Variants in ACTN2 observed in about 807,000 individuals in gnomAD.
ACTN2 encodes alpha-actinin-2.
Under a neutral mutation model 113.8 loss-of-function variants are expected in ACTN2, and 39 were observed. The observed-to-expected ratio is 0.34, with a 90% CI of 0.27 to 0.45. The LOEUF (loss-of-function observed/expected upper bound fraction) is 0.45, where lower values mean the gene tolerates loss of function less well. Among genes scored for constraint, ACTN2 ranks in the 20% least tolerant of loss-of-function variants. The pLI, the probability that ACTN2 is intolerant of heterozygous loss-of-function variation, is 1.00. For synonymous variants in ACTN2, 429 were observed against 444.1 expected (o/e 0.97, Z 0.43); for missense variants, 992 against 1,177.9 (o/e 0.84, Z 2.31).
At chr1:236,702,001 G>C (rs560816878) in intron 1 of ACTN2, among the ~76,000 whole-genome samples, 1 of 152,272 alleles carries the variant, frequency 6.6e-6, no homozygotes, top group East Asian at 1.9e-4. Flanking sequence ...TGCTGTAACT[G>C]GTATCTGCGT....
intron 12 of ACTN2, 47 bp from the exon 13 acceptor site, chr1:236,747,620 C>G (rs1447047995): frequency 6.5e-7 from 1 of 1,536,606 alleles, no homozygotes; most frequent in Non-Finnish European, 9.0e-7. Context: ...TTCATTTTCT[C>G]TCATCATCTG....
chr1:236,725,619 T>C (rs1280270889), intron 4 of ACTN2, among the ~76,000 whole-genome samples: 2 of 133,002 alleles, frequency 1.5e-5, no homozygotes, highest in Non-Finnish European at 3.2e-5. Context: ...AGAGTGAGAC[T>C]GTGCCTCAAA....
At chr1:236,752,240 A>G (rs1322837943) in intron 15 of ACTN2, among the ~76,000 whole-genome samples, 2 of 152,182 alleles carry the variant, frequency 1.3e-5, no homozygotes, top group East Asian at 1.9e-4. Context: ...TTATAGCACA[A>G]TTAGTCATCT....
In ACTN2 at chr1:236,720,438, G is replaced by A. The variant is rs755282605; in HGVS notation, c.448+247G>A. ...GAACAGAAGTCGCTTTTTAAAATGAGCATTTATTGAGCTTCTTGATTGCTT... is the reference window on the plus strand; with the variant it reads ...GAACAGAAGTCGCTTTTTAAAATGAACATTTATTGAGCTTCTTGATTGCTT... On this transcript the variant is annotated intron_variant, in intron 4 of 20. Transcript: ENST00000366578. Among the ~76,000 whole-genome samples, 107 of 152,250 alleles carry A rather than the reference G, an allele frequency of 7.0e-4. 2 individuals are homozygous for A. The highest frequency in any genetic ancestry group is 6.8e-3 in the Middle Eastern group (2 of 294).
chr1:236,728,409 C>G (rs1393402742), intron 6 of ACTN2, among the ~76,000 whole-genome samples: 1 of 152,230 alleles, frequency 6.6e-6, no homozygotes, highest in African/African-American at 2.4e-5. Context: ...TCCCAAAGTG[C>G]TGGGATTACA....
chr1:236,725,563 G>A (rs1028762444), intron 4 of ACTN2, among the ~76,000 whole-genome samples: 10 of 152,118 alleles, frequency 6.6e-5, no homozygotes, highest in African/African-American at 2.4e-4. Flanking sequence ...GGAGGCAGAG[G>A]TTGCAGTGAG....
rs771579640 is a variant in ACTN2 at position 236,743,027 on chromosome 1, C to G, written c.1239C>G (p.His413Gln). The G allele has an allele frequency of 7.4e-6, 12 of 1,613,924 alleles. No individual in the cohort carries two copies. The highest frequency in any genetic ancestry group is 8.5e-6 in the Non-Finnish European group (10 of 1,180,030). The change falls in exon 11 of 21, where the codon CAC becomes CAG. Residue 413 changes from histidine to glutamine, a missense_variant. This residue lies in a region of ACTN2 where 736 missense variants were observed against 815.4 expected (regional missense o/e 0.90). Coordinates refer to ENST00000366578, the MANE Select transcript of ACTN2 (RefSeq NM_001103.4). ...AGTTCAGGCAGAAGGCCTCAACGCA[C>G]GAGACTTGGGCTTATGGTAAGTAGA... is the stretch of plus-strand genomic sequence containing the variant. ...AEKFRQKAST[H>Q]ETWAYGKEQI...
At position 236,686,761 on chromosome 1, in the gene ACTN2, C is replaced by T; in HGVS notation, c.88C>T (p.Leu30=). ...MIQEEEWDRD[L]LLDPAWEKQQ... ...CCAGGAGGAGGAGTGGGACCGCGACCTGCTCCTGGACCCAGCCTGGGAGAA... is the reference window on the plus strand; with the variant it reads ...CCAGGAGGAGGAGTGGGACCGCGACTTGCTCCTGGACCCAGCCTGGGAGAA... The change falls in exon 1 of 21, where the codon CTG becomes TTG. Residue 30 remains leucine, a synonymous_variant. Transcript: ENST00000366578. The T allele has an allele frequency of 6.5e-7, 1 of 1,548,940 alleles. No homozygotes were observed.
chr1:236,737,297 G>GTGTATATATA, intron 9 of ACTN2, 83 bp downstream of exon 9: 5 of 318,334 alleles, frequency 1.6e-5, no homozygotes, highest in South Asian at 9.2e-5. Context: ...CTCCGTGGGG[G>GTGTATATATA]CATATATATA....
At chr1:236,717,068 C>T (rs1658240739) in intron 1 of ACTN2, among the ~76,000 whole-genome samples, 1 of 20,430 alleles carries the variant, frequency 4.9e-5, no homozygotes, top group South Asian at 1.2e-3. Flanking sequence ...CTCCTGACCT[C>T]AAGTGATCTG....
rs553242586 is a variant in ACTN2 at position 236,744,513 on chromosome 1, C to A, written c.1256-113C>A. ...CCTGCATCTTCAGTCCTGCCCCTCT[C>A]TGTCCCCTTCTCTTGGTTCTTTGGA... On this transcript the variant is annotated intron_variant, in intron 11 of 20. Transcript: ENST00000366578. 2.3e-6 allele frequency: 3 copies of A among 1,311,126 alleles called. No individual in the cohort carries two copies. The East Asian group carries it at 7.4e-5, about 32-fold the overall frequency. The allele number at this position is 1,311,126 out of a possible 1,614,324, so 81.2% of individuals were successfully genotyped here. A position where few individuals can be genotyped will look rare whatever the true frequency, so the allele number is the denominator to read the frequency against.
chr1:236,762,126 T>C (rs1331775795), intron 20 of ACTN2, among the ~76,000 whole-genome samples: 2 of 152,264 alleles, frequency 1.3e-5, no homozygotes, highest in African/African-American at 2.4e-5. Flanking sequence ...TATTTCCCAC[T>C]GAACTTTTTT....
intron 5 of ACTN2, 42 bp from the exon 6 acceptor site, chr1:236,727,632 TTCTC>T: frequency 6.2e-7 from 1 of 1,602,858 alleles, no homozygotes; most frequent in Admixed American, 1.7e-5. Context: ...GGCTGCTTCT[TTCTC>T]TCCACTAACA....
intron 1 of ACTN2, among the ~76,000 whole-genome samples, chr1:236,710,669 G>A (rs1163620713): frequency 1.3e-5 from 2 of 152,192 alleles, no homozygotes; most frequent in Non-Finnish European, 2.9e-5. Context: ...TGCACAGCAG[G>A]AGGTGAGCAG....
intron 2 of ACTN2, 49 bp downstream of exon 2, chr1:236,718,021 G>A (rs1395835433): frequency 7.0e-7 from 1 of 1,418,984 alleles, no homozygotes; most frequent in Non-Finnish European, 9.9e-7. Context: ...ATCAGTAGGT[G>A]AGCATCTATT....
chr1:236,696,168 G>A (rs1385808791), intron 1 of ACTN2, among the ~76,000 whole-genome samples: 5 of 151,930 alleles, frequency 3.3e-5, no homozygotes, highest in African/African-American at 9.7e-5. Flanking sequence ...TTAGCCAGGT[G>A]TGGTGGTATG....
intron 7 of ACTN2, among the ~76,000 whole-genome samples, chr1:236,734,895 G>A (rs530332014): frequency 4.6e-5 from 7 of 152,328 alleles, no homozygotes; most frequent in East Asian, 1.9e-4. Flanking sequence ...CCGAAAAATG[G>A]TGTTGCCAAG....
intron 7 of ACTN2, 91 bp downstream of exon 7, chr1:236,731,405 C>T (rs377629538): frequency 6.9e-6 from 7 of 1,016,638 alleles, no homozygotes; most frequent in East Asian, 2.4e-5. Flanking sequence ...AATTTTATAG[C>T]GAAGTTACAT....
At chr1:236,752,607 A>G (rs192614270) in intron 15 of ACTN2, among the ~76,000 whole-genome samples, 4 of 152,272 alleles carry the variant, frequency 2.6e-5, no homozygotes, top group Non-Finnish European at 2.9e-5. Context: ...GCTAGAGTGC[A>G]GAGGCAAAAT....
Sources: allele counts gnomAD v4.1 joint callset (sites outside exome capture counted in the v4.1 genomes callset), GRCh38; gene constraint gnomAD v4.1.1; regional missense constraint gnomAD v4.1.1; transcripts MANE v1.5; gene names NCBI Gene and HGNC (gene_info 2026-07-23, HGNC 2026-07-21).